SUPV3L1: variants seen among roughly 807,000 people sequenced by gnomAD.
SUPV3L1 encodes Suv3 like RNA helicase.
Under a neutral mutation model 70.0 loss-of-function variants are expected in SUPV3L1, and 35 were observed. The ratio of observed to expected loss-of-function variants is 0.50; its 90% CI spans 0.38 to 0.66. The LOEUF is 0.66. Ranked by LOEUF, SUPV3L1 falls within the 30% of genes least tolerant of loss-of-function variation. The pLI, the probability that SUPV3L1 is intolerant of heterozygous loss-of-function variation, is 0.00. For missense variants in SUPV3L1, 777 were observed against 961.5 expected, an observed-to-expected ratio of 0.81 and a Z score of 2.54; for synonymous variants, 364 against 341.9, an observed-to-expected ratio of 1.06 and a Z score of -0.71.
In SUPV3L1 at chr10:69,180,472, ACGTCCTTGTT is replaced by A; in HGVS notation, c.185_194del (p.Ser62CysfsTer3). 1 of 1,614,038 alleles carries A rather than the reference ACGTCCTTGTT, an allele frequency of 6.2e-7. No homozygotes were observed. The highest frequency in any genetic ancestry group is 8.5e-7 in the Non-Finnish European group (1 of 1,179,988). ...CTCCGGTGGCTCCAAAATACCAAAC[ACGTCCTTGTT>A]CGTGCCCCTGACTGTGAAACCTCAG... is the stretch of plus-strand genomic sequence containing the variant. On this transcript the variant is annotated frameshift_variant, in exon 1 of 15. Transcript: ENST00000359655. LOFTEE classifies it high-confidence loss of function.
chr10:69,197,140 A>T, intron 8 of SUPV3L1, 57 bp downstream of exon 8: 1 of 1,473,516 alleles, frequency 6.8e-7, no homozygotes, highest in Non-Finnish European at 9.5e-7. Context: ...CAGAGTACCT[A>T]GGCAGTGGCT....
At chr10:69,184,095 G>A (rs1002004898) in intron 1 of SUPV3L1, among the ~76,000 whole-genome samples, 1 of 152,096 alleles carries the variant, frequency 6.6e-6, no homozygotes, top group Non-Finnish European at 1.5e-5. Flanking sequence ...ATTAGTCACA[G>A]AAAATAGGTT....
At chr10:69,194,844 GA>G (rs71471531) in intron 6 of SUPV3L1, among the ~76,000 whole-genome samples, 24,138 of 144,646 alleles carry the variant, frequency 0.17, 2,580 homozygotes, top group Non-Finnish European at 0.23. Flanking sequence ...AAATTAAAAA[GA>G]AAAAAAAAAG....
intron 5 of SUPV3L1, 40 bp from the exon 6 acceptor site, chr10:69,191,615 A>G (rs559065540): frequency 7.1e-6 from 11 of 1,559,268 alleles, no homozygotes; most frequent in South Asian, 1.1e-5. Flanking sequence ...GTATTTTTGC[A>G]TTATTTTCAA....
At chr10:69,201,079 T>A (rs914578428) in intron 11 of SUPV3L1, among the ~76,000 whole-genome samples, 1 of 152,154 alleles carries the variant, frequency 6.6e-6, no homozygotes, top group Non-Finnish European at 1.5e-5. Flanking sequence ...AGTATAGACA[T>A]GAGATCATAC....
Position 69,208,793 on chromosome 10 carries a change from G to C in SUPV3L1, c.2119G>C (p.Ala707Pro). ...ATTGTCAGGAACCTTAAAGAGCCAA[G>C]CTAGAAGGACACGCGGCACCAAAGC... ...SRLSGTLKSQ[A>P]RRTRGTKALG... The change falls in exon 15 of 15, where the codon GCT becomes CCT. Residue 707 changes from alanine to proline, a missense_variant. Ala to Pro is a conservative substitution (Grantham distance 27, BLOSUM62 -1). Coordinates refer to ENST00000359655, the MANE Select transcript of SUPV3L1 (RefSeq NM_003171.5). The C allele has an allele frequency of 6.2e-7, 1 of 1,614,178 alleles. No individual in the cohort carries two copies. The highest frequency in any genetic ancestry group is 2.2e-5 in the East Asian group (1 of 44,882).
Position 69,186,579 on chromosome 10 carries a change from T to C in SUPV3L1, c.457+29T>C. The C allele has an allele frequency of 2.0e-6, 3 of 1,536,958 alleles. No individual in the cohort carries two copies. In the South Asian group the frequency reaches 3.4e-5, roughly 17 times the overall value. On this transcript the variant is annotated intron_variant, in intron 3 of 14. Coordinates refer to ENST00000359655, the MANE Select transcript of SUPV3L1 (RefSeq NM_003171.5). ...AGTGTTTAGAGACTTTTTAAAATCC[T>C]ATTGAACATACCTTCTATTTCTTCT...
At chr10:69,198,924 G>T (rs1204550793) in intron 9 of SUPV3L1, among the ~76,000 whole-genome samples, 180 bp from the exon 10 acceptor site, 1 of 152,152 alleles carries the variant, frequency 6.6e-6, no homozygotes, top group African/African-American at 2.4e-5. Flanking sequence ...CGGAGTATTT[G>T]AAGGAATGGA....
chr10:69,187,060 C>G (rs912529160), intron 3 of SUPV3L1, among the ~76,000 whole-genome samples: 2 of 152,150 alleles, frequency 1.3e-5, no homozygotes, highest in African/African-American at 2.4e-5. Flanking sequence ...AGAATTCTTG[C>G]TGAGGAACAA....
At position 69,180,270 on chromosome 10, in the gene SUPV3L1, C is replaced by G. The variant is rs1045116161; in HGVS notation, c.-22C>G. ...CCGCCGTGTCCGCGGCTGCGCCAGA[C>G]AGTGTAGAACCTGCGGCCTCGATGT... On this transcript the variant is annotated 5_prime_UTR_variant, in exon 1 of 15. Transcript: ENST00000359655. 3 of 1,605,706 alleles carry G rather than the reference C, an allele frequency of 1.9e-6. No homozygotes were observed. The highest frequency in any genetic ancestry group is 1.7e-5 in the Admixed American group (1 of 59,420).
At position 69,186,450 on chromosome 10, in the gene SUPV3L1, C is replaced by G; in HGVS notation, c.357C>G (p.Leu119=). The change falls in exon 3 of 15, where the codon CTC becomes CTG. Residue 119 remains leucine, a synonymous_variant. Transcript: ENST00000359655. ...CATTTTGTGTTTCTACAGCTCGTCT[C>G]TTCCACCAAGCTTTCATAAGCTTTA... The part of the protein sequence containing the change: ...LGADYGLDAR[L]FHQAFISFRN... 3 of 1,612,608 alleles carry G rather than the reference C, an allele frequency of 1.9e-6. No homozygotes were observed. Among genetic ancestry groups the G allele is most frequent in the Non-Finnish European group, 2.5e-6 (3 of 1,179,054 alleles).
chr10:69,198,692 TAA>T (rs1842607773), intron 9 of SUPV3L1, 140 bp downstream of exon 9: 2 of 761,326 alleles, frequency 2.6e-6, no homozygotes, highest in Non-Finnish European at 4.1e-6. Flanking sequence ...TCATATAAAA[TAA>T]ATAATTTTCT....
At chr10:69,185,647 G>A (rs1428599347) in intron 1 of SUPV3L1, among the ~76,000 whole-genome samples, 1 of 151,606 alleles carries the variant, frequency 6.6e-6, no homozygotes. Context: ...GACTACAGGC[G>A]CCCAATAACA....
rs778769423 is a variant in SUPV3L1 at position 69,208,768 on chromosome 10, A to G, written c.2094A>G (p.Arg698=). The change falls in exon 15 of 15, where the codon CGA becomes CGG. Residue 698 remains arginine (R), a synonymous_variant. Transcript: ENST00000359655. ...GCTTTCCATCAGGGAGCCAGTCACG[A>G]TTGTCAGGAACCTTAAAGAGCCAAG... ...LEGFPSGSQS[R]LSGTLKSQAR... 3.1e-6 allele frequency: 5 copies of G among 1,614,052 alleles called. No individual in the cohort carries two copies. Among genetic ancestry groups the G allele is most frequent in the Non-Finnish European group, 4.2e-6 (5 of 1,180,050 alleles).
chr10:69,192,202 G>A (rs892562081), intron 6 of SUPV3L1: 3 of 153,646 alleles, frequency 2.0e-5, no homozygotes, highest in Non-Finnish European at 2.9e-5. Flanking sequence ...AAGAGAATAA[G>A]TATGACAAAC....
intron 1 of SUPV3L1, among the ~76,000 whole-genome samples, chr10:69,185,042 T>C (rs35773981): frequency 0.16 from 24,238 of 152,220 alleles, 2,594 homozygotes; most frequent in Non-Finnish European, 0.23. Flanking sequence ...AGTGGCATGT[T>C]ATCTCCCAAT....
At chr10:69,194,507 A>G (rs969830118) in intron 6 of SUPV3L1, among the ~76,000 whole-genome samples, 2 of 150,758 alleles carry the variant, frequency 1.3e-5, no homozygotes, top group Admixed American at 6.6e-5. Context: ...GCACGCCACC[A>G]TGCCCGGCTA....
chr10:69,202,848 C>G lies in SUPV3L1; in HGVS notation c.1600-19C>G. On this transcript the variant is annotated intron_variant, in intron 12 of 14. Transcript: ENST00000359655. ...ATTCACTTAGGCAGTCCAGTAATTTCTGTCTTTTTTTCCCCAAGGATATTT... is the reference window on the plus strand; with the variant it reads ...ATTCACTTAGGCAGTCCAGTAATTTGTGTCTTTTTTTCCCCAAGGATATTT... 6.2e-7 allele frequency: 1 copy of G among 1,606,506 alleles called. No homozygotes were observed. The highest frequency in any genetic ancestry group is 8.5e-7 in the Non-Finnish European group (1 of 1,175,622).
intron 7 of SUPV3L1, among the ~76,000 whole-genome samples, chr10:69,196,194 A>C (rs1308206551): frequency 1.3e-5 from 2 of 152,164 alleles, no homozygotes; most frequent in East Asian, 3.9e-4. Flanking sequence ...AAATTTAAAA[A>C]CAAATAGCTG....
Sources: allele counts gnomAD v4.1 joint callset (sites outside exome capture counted in the v4.1 genomes callset), GRCh38; gene constraint gnomAD v4.1.1; transcripts MANE v1.5; gene names NCBI Gene and HGNC (gene_info 2026-07-23, HGNC 2026-07-21).